The following ZMAT4 variants were observed in gnomAD, a reference collection of about 807,000 sequenced individuals.
The protein encoded by ZMAT4 is zinc finger matrin-type 4.
In ZMAT4, 17 loss-of-function variants were observed where a neutral mutation model predicts 28.7. That is an observed-to-expected ratio of 0.59 (90% CI 0.41 to 0.89). The LOEUF is 0.89. Among genes scored for constraint, ZMAT4 ranks in the 40% least tolerant of loss-of-function variants. ZMAT4 has a pLI of 0.00. For synonymous variants in ZMAT4, 117 were observed against 109.2 expected (o/e 1.07, Z -0.44); for missense variants, 240 against 283.8 (o/e 0.85, Z 1.11).
At chr8:40,576,716 G>C (rs1804278356) in intron 6 of ZMAT4, among the ~76,000 whole-genome samples, 1 of 152,104 alleles carries the variant, frequency 6.6e-6, no homozygotes, top group South Asian at 2.1e-4. Flanking sequence ...AAAAATATGT[G>C]AAAGTATCTC....
chr8:40,784,934 AAAT>A (rs972833674), intron 2 of ZMAT4, among the ~76,000 whole-genome samples: 7 of 152,236 alleles, frequency 4.6e-5, no homozygotes, highest in African/African-American at 1.7e-4. Context: ...TTCTCAGGTT[AAAT>A]AATATTTAAC....
chr8:40,869,311 A>G (rs1817774316), intron 1 of ZMAT4, among the ~76,000 whole-genome samples: 2 of 152,164 alleles, frequency 1.3e-5, no homozygotes, highest in South Asian at 2.1e-4. Context: ...CCCAGTGAAC[A>G]TTTACCAATT....
At chr8:40,708,571 TTCTCTCTCTCTC>T (rs36210172) in intron 3 of ZMAT4, among the ~76,000 whole-genome samples, 65 of 121,030 alleles carry the variant, frequency 5.4e-4, no homozygotes, top group Middle Eastern at 0.012. Context: ...TACACACTCT[TTCTCTCTCTCTC>T]TCTCTCTCTC....
At chr8:40,657,415 C>A (rs1389678853) in intron 5 of ZMAT4, among the ~76,000 whole-genome samples, 1 of 151,754 alleles carries the variant, frequency 6.6e-6, no homozygotes, top group Non-Finnish European at 1.5e-5. Context: ...ATTATTACAC[C>A]TTTATTCTTG....
At chr8:40,869,428 G>T (rs1445755566) in intron 1 of ZMAT4, among the ~76,000 whole-genome samples, 1 of 152,158 alleles carries the variant, frequency 6.6e-6, no homozygotes, top group East Asian at 1.9e-4. Flanking sequence ...TTTGGTGTCG[G>T]ACAGATCTAG....
chr8:40,846,570 A>G (rs771892145), intron 1 of ZMAT4, among the ~76,000 whole-genome samples: 2 of 152,204 alleles, frequency 1.3e-5, no homozygotes, highest in Non-Finnish European at 2.9e-5. Context: ...ATAAATGGTG[A>G]AAACTGCTAA....
chr8:40,843,371 C>G (rs912415682), intron 1 of ZMAT4, among the ~76,000 whole-genome samples: 1 of 152,158 alleles, frequency 6.6e-6, no homozygotes, highest in African/African-American at 2.4e-5. Context: ...ATCAGAGACC[C>G]AGCAGGAGCT....
chr8:40,786,290 T>G (rs1385834062), intron 2 of ZMAT4, among the ~76,000 whole-genome samples: 1 of 152,186 alleles, frequency 6.6e-6, no homozygotes, highest in Non-Finnish European at 1.5e-5. Flanking sequence ...GAAAGGAAAT[T>G]GACAAAGGTT....
chr8:40,591,018 G>A (rs928559820), intron 5 of ZMAT4, among the ~76,000 whole-genome samples: 2 of 152,098 alleles, frequency 1.3e-5, no homozygotes, highest in African/African-American at 4.8e-5. Context: ...GATAGGGAGA[G>A]GTTTCTATCA....
chr8:40,729,758 C>A (rs1585953835), intron 3 of ZMAT4, among the ~76,000 whole-genome samples: 1 of 152,062 alleles, frequency 6.6e-6, no homozygotes, highest in Non-Finnish European at 1.5e-5. Flanking sequence ...GCCACCACAC[C>A]CAGCTAATCT....
At chr8:40,579,152 T>G (rs1045618343) in intron 6 of ZMAT4, among the ~76,000 whole-genome samples, 5 of 152,220 alleles carry the variant, frequency 3.3e-5, no homozygotes, top group African/African-American at 9.6e-5. Flanking sequence ...TGAAGTTATA[T>G]ATGTACAGAA....
intron 2 of ZMAT4, among the ~76,000 whole-genome samples, chr8:40,808,841 C>T (rs1272216581): frequency 7.3e-6 from 1 of 137,258 alleles, no homozygotes; most frequent in Non-Finnish European, 1.6e-5. Flanking sequence ...ATCCTGGATG[C>T]CAACTATTTA....
At chr8:40,617,999 C>A (rs10958627) in intron 5 of ZMAT4, among the ~76,000 whole-genome samples, 10,894 of 152,154 alleles carry the variant, frequency 0.072, 851 homozygotes, top group East Asian at 0.45. Context: ...CTGGAATATT[C>A]TCTCAAATTC....
intron 1 of ZMAT4, among the ~76,000 whole-genome samples, chr8:40,862,094 C>A (rs1192342691): frequency 6.6e-6 from 1 of 152,170 alleles, no homozygotes; most frequent in Non-Finnish European, 1.5e-5. Context: ...GATTATAAAT[C>A]ATGCTGCTAT....
intron 3 of ZMAT4, among the ~76,000 whole-genome samples, chr8:40,704,685 CA>C (rs1253577787): frequency 6.6e-6 from 1 of 152,208 alleles, no homozygotes; most frequent in African/African-American, 2.4e-5. Flanking sequence ...ACTTGATAAA[CA>C]TGAACTAAAT....
chr8:40,747,124 G>A (rs4400365), intron 3 of ZMAT4, among the ~76,000 whole-genome samples: 24,639 of 152,164 alleles, frequency 0.16, 2,199 homozygotes, highest in Non-Finnish European at 0.21. Flanking sequence ...TGGATTAATG[G>A]TTTATAAAAA....
intron 2 of ZMAT4, among the ~76,000 whole-genome samples, chr8:40,807,731 T>C (rs1308482088): frequency 1.3e-5 from 2 of 152,036 alleles, no homozygotes; most frequent in South Asian, 4.1e-4. Context: ...AAATTCTAAA[T>C]GCCATAGAGG....
At chr8:40,696,749 C>A (rs1237927555) in intron 4 of ZMAT4, among the ~76,000 whole-genome samples, 2 of 152,058 alleles carry the variant, frequency 1.3e-5, no homozygotes, top group South Asian at 2.1e-4. Flanking sequence ...ATAAATAAAT[C>A]AGTTCTTGGC....
chr8:40,777,884 T>G (rs937762792), intron 2 of ZMAT4, among the ~76,000 whole-genome samples: 1 of 152,222 alleles, frequency 6.6e-6, no homozygotes, highest in African/African-American at 2.4e-5. Flanking sequence ...TAGATTATCT[T>G]TTTACCCTAT....
Sources: gnomAD v4.1 joint callset for allele counts (sites outside exome capture counted in the v4.1 genomes callset) on GRCh38, gnomAD v4.1.1 for gene constraint, MANE v1.5 for transcripts, NCBI Gene and HGNC (gene_info 2026-07-23, HGNC 2026-07-21) for gene names.